Variants in VAPB observed in about 807,000 individuals in gnomAD.
VAPB encodes the protein VAMP associated protein B and C.
A neutral mutation model predicts 25.6 loss-of-function variants in VAPB; 7 were observed. The observed-to-expected ratio is 0.27, with a 90% CI of 0.16 to 0.51. VAPB has a LOEUF of 0.51. Among genes scored for constraint, VAPB ranks in the 20% least tolerant of loss-of-function variants. The pLI, the probability that VAPB is intolerant of heterozygous loss-of-function variation, is 0.97. For synonymous variants in VAPB, 112 were observed against 109.2 expected, an observed-to-expected ratio of 1.03 and a Z score of -0.16; for missense variants, 266 against 301.3, an observed-to-expected ratio of 0.88 and a Z score of 0.87.
chr20:58,445,156 TAAC>T lies in VAPB; in HGVS notation c.*925_*927del, dbSNP rs1180047918. 4 of 454,200 alleles carry T rather than the reference TAAC, an allele frequency of 8.8e-6. No individual in the cohort carries two copies. The highest frequency in any genetic ancestry group is 4.0e-5 in the African/African-American group (2 of 50,102). 28.1% of individuals were successfully genotyped at this position (454,200 alleles called of 1,614,324 possible). Reference sequence around the variant, plus strand: ...GAAGTGTTTTTTCTGGGTCAGTAAATAACAACTGTCATAGGGAGGGAAATTCTC... The same window carrying T: ...GAAGTGTTTTTTCTGGGTCAGTAAATAACTGTCATAGGGAGGGAAATTCTC... On this transcript the variant is annotated 3_prime_UTR_variant, in exon 6 of 6. Coordinates refer to ENST00000475243, the MANE Select transcript of VAPB (RefSeq NM_004738.5).
chr20:58,402,184 C>T (rs2123029932), intron 1 of VAPB, among the ~76,000 whole-genome samples: 1 of 152,324 alleles, frequency 6.6e-6, no homozygotes, highest in South Asian at 2.1e-4. Context: ...ACTTGTTGCA[C>T]TCCCCCCACA....
In VAPB at chr20:58,438,971, T is replaced by A. The variant is rs766468222; in HGVS notation, c.342T>A (p.Leu114=). ...AVWKEAKPED[L]MDSKLRCVFE... Reference sequence around the variant, plus strand: ...GGAAGGAGGCAAAACCGGAAGACCTTATGGATTCAAAACTTAGATGTGTGT... The same window carrying A: ...GGAAGGAGGCAAAACCGGAAGACCTAATGGATTCAAAACTTAGATGTGTGT... The change falls in exon 4 of 6, where the codon CTT becomes CTA. Residue 114 remains leucine (L), a synonymous_variant. Transcript: ENST00000475243. 3 of 1,613,950 alleles carry A rather than the reference T, an allele frequency of 1.9e-6. No individual in the cohort carries two copies. The South Asian group carries it at 3.3e-5, about 18-fold the overall frequency.
intron 1 of VAPB, among the ~76,000 whole-genome samples, chr20:58,395,874 A>G (rs924276762): frequency 2.0e-5 from 3 of 152,242 alleles, no homozygotes; most frequent in Non-Finnish European, 4.4e-5. Flanking sequence ...TATGGAAACA[A>G]AGTTACTAAA....
intron 1 of VAPB, among the ~76,000 whole-genome samples, chr20:58,406,192 G>C (rs1988226723): frequency 6.6e-6 from 1 of 152,110 alleles, no homozygotes; most frequent in African/African-American, 2.4e-5. Context: ...GAGAGGGCCA[G>C]GCTGCAGATA....
chr20:58,393,667 T>A (rs1335739968), intron 1 of VAPB, among the ~76,000 whole-genome samples: 1 of 152,216 alleles, frequency 6.6e-6, no homozygotes, highest in Non-Finnish European at 1.5e-5. Context: ...AATGATACTG[T>A]CACATGGAAA....
intron 1 of VAPB, among the ~76,000 whole-genome samples, chr20:58,399,036 C>T (rs1988031587): frequency 1.3e-5 from 2 of 152,122 alleles, no homozygotes; most frequent in African/African-American, 4.8e-5. Flanking sequence ...CACAGTGGCT[C>T]ACACCTGTAA....
rs747208140 is a variant in VAPB at position 58,444,121 on chromosome 20, C to T, written c.618C>T (p.Ser206=). The change falls in exon 6 of 6, where the codon AGC becomes AGT. Residue 206 remains serine, a synonymous_variant. Coordinates refer to ENST00000475243, the MANE Select transcript of VAPB (RefSeq NM_004738.5). ...TGAGGAAGACAGTGCAGAGCAACAG[C>T]CCCATTTCAGCATTAGCCCCAACTG... ...LRMRKTVQSN[S]PISALAPTGK... The T allele has an allele frequency of 3.7e-6, 6 of 1,614,202 alleles. No homozygotes were observed. In the East Asian group the frequency reaches 1.1e-4, roughly 30 times the overall value.
intron 2 of VAPB, among the ~76,000 whole-genome samples, chr20:58,427,785 C>G (rs1004698837): frequency 6.6e-6 from 1 of 151,984 alleles, no homozygotes; most frequent in Non-Finnish European, 1.5e-5. Flanking sequence ...GATCTGTGAT[C>G]TGTTACCATT....
chr20:58,413,909 C>T (rs1195696332), intron 1 of VAPB, among the ~76,000 whole-genome samples: 5 of 104,504 alleles, frequency 4.8e-5, no homozygotes, highest in South Asian at 3.2e-4. Context: ...CGGGCAGAGG[C>T]GCCCCTCACC....
intron 1 of VAPB, among the ~76,000 whole-genome samples, chr20:58,395,152 C>CTTT (rs397865707): frequency 5.4e-5 from 7 of 128,562 alleles, no homozygotes; most frequent in Non-Finnish European, 6.5e-5. Flanking sequence ...CCAAAAGTGT[C>CTTT]TTTTTTTTTT....
chr20:58,412,020 T>A (rs994826641), intron 1 of VAPB, among the ~76,000 whole-genome samples: 1 of 152,252 alleles, frequency 6.6e-6, no homozygotes, highest in Non-Finnish European at 1.5e-5. Context: ...CTTTGTATAG[T>A]TTGGTTGACA....
chr20:58,409,904 T>TACACACACAC (rs34649242), intron 1 of VAPB, among the ~76,000 whole-genome samples: 6,305 of 148,102 alleles, frequency 0.043, 191 homozygotes, highest in Non-Finnish European at 0.066. Context: ...TTTATTCATA[T>TACACACACAC]ACACACACAC....
Position 58,389,366 on chromosome 20 carries a change from T to G in VAPB, c.-94T>G. The G allele has an allele frequency of 7.5e-7, 1 of 1,325,666 alleles. No homozygotes were observed. The highest frequency in any genetic ancestry group is 1.0e-6 in the Non-Finnish European group (1 of 983,184). 82.1% of individuals were successfully genotyped at this position (1,325,666 alleles called of 1,614,324 possible). Reference sequence around the variant, plus strand: ...CCGTGCCCCGACCGGTCCCCGCCTTTTTGTAAAACTTAAAGCGGGCGCAGC... The same window carrying G: ...CCGTGCCCCGACCGGTCCCCGCCTTGTTGTAAAACTTAAAGCGGGCGCAGC... On this transcript the variant is annotated 5_prime_UTR_variant, in exon 1 of 6. Coordinates refer to ENST00000475243, the MANE Select transcript of VAPB (RefSeq NM_004738.5).
chr20:58,426,096 A>C (rs527964720), intron 2 of VAPB, among the ~76,000 whole-genome samples: 1 of 151,984 alleles, frequency 6.6e-6, no homozygotes, highest in Non-Finnish European at 1.5e-5. Context: ...GGATTTCACA[A>C]TGTTGGCCAG....
At chr20:58,391,580 C>A (rs1291432074) in intron 1 of VAPB, among the ~76,000 whole-genome samples, 1 of 151,974 alleles carries the variant, frequency 6.6e-6, no homozygotes, top group Non-Finnish European at 1.5e-5. Flanking sequence ...GTCACCCAGG[C>A]TGGAGTGCAG....
At chr20:58,392,608 T>C (rs1987834083) in intron 1 of VAPB, among the ~76,000 whole-genome samples, 1 of 152,250 alleles carries the variant, frequency 6.6e-6, no homozygotes, top group South Asian at 2.1e-4. Flanking sequence ...ATTTAACTGG[T>C]TTCTTCCAGG....
At position 58,444,383 on chromosome 20, in the gene VAPB, A is replaced by G. The variant is rs755407445; in HGVS notation, c.*148A>G. ...AAATTACCCCTCCCTGCACACACAT[A>G]CACAGATACACACACACAAATATAA... On this transcript the variant is annotated 3_prime_UTR_variant, in exon 6 of 6. Coordinates refer to ENST00000475243, the MANE Select transcript of VAPB (RefSeq NM_004738.5). 9.1e-6 allele frequency: 9 copies of G among 985,376 alleles called. No homozygotes were observed. The highest frequency in any genetic ancestry group is 1.3e-5 in the Non-Finnish European group (8 of 624,370). The allele number at this position is 985,376 out of a possible 1,614,324, so 61.0% of individuals were successfully genotyped here.
intron 3 of VAPB, 150 bp from the exon 4 acceptor site, chr20:58,438,795 A>G: frequency 1.5e-6 from 1 of 668,728 alleles, no homozygotes; most frequent in Non-Finnish European, 2.6e-6. Flanking sequence ...TGTTACAAAT[A>G]TTGAAATCTC....
rs1257537973 is a variant in VAPB at position 58,446,706 on chromosome 20, A to T, written c.*2471A>T. ...TTCTAGAGGTTAGGACTTGGTGAAC[A>T]TGTTTGTGGGCCTTTTGACTGAGTG... On this transcript the variant is annotated 3_prime_UTR_variant, in exon 6 of 6. Coordinates refer to ENST00000475243, the MANE Select transcript of VAPB (RefSeq NM_004738.5). 4.4e-6 allele frequency: 2 copies of T among 454,048 alleles called. No homozygotes were observed. The highest frequency in any genetic ancestry group is 2.0e-5 in the African/African-American group (1 of 50,086). The allele number at this position is 454,048 out of a possible 1,614,324, so 28.1% of individuals were successfully genotyped here. A position where few individuals can be genotyped will look rare whatever the true frequency, so the allele number is the denominator to read the frequency against.
Sources: gnomAD v4.1 joint callset for allele counts (sites outside exome capture counted in the v4.1 genomes callset) on GRCh38, gnomAD v4.1.1 for gene constraint, MANE v1.5 for transcripts, NCBI Gene and HGNC (gene_info 2026-07-23, HGNC 2026-07-21) for gene names.